ZSCAN26: variants seen among roughly 807,000 people sequenced by gnomAD.
ZSCAN26 encodes the protein zinc finger and SCAN domain containing 26, also known as zinc finger and SCAN domain-containing protein 26.
ZSCAN26 carries 26 observed loss-of-function variants against 23.0 expected under a neutral mutation model. The ratio of observed to expected loss-of-function variants is 1.13; its 90% CI spans 0.83 to 1.57. The LOEUF (loss-of-function observed/expected upper bound fraction) is 1.57. Ranked by LOEUF, ZSCAN26 falls within the 40% of genes most tolerant of loss-of-function variation. ZSCAN26 has a pLI of 0.00. For synonymous variants in ZSCAN26, 180 were observed against 202.5 expected (o/e 0.89, Z 0.94); for missense variants, 528 against 568.5 (o/e 0.93, Z 0.72).
At chr6:28,274,679 G>T (rs1048142710) in intron 3 of ZSCAN26, among the ~76,000 whole-genome samples, 5 of 152,190 alleles carry the variant, frequency 3.3e-5, no homozygotes, top group Non-Finnish European at 7.3e-5. Flanking sequence ...GTTCAAGACT[G>T]CAGTGAGCTA....
chr6:28,276,794 T>C lies in ZSCAN26; in HGVS notation c.1138T>C (p.Leu380=), dbSNP rs746893878. Residue 380 remains leucine, a synonymous_variant, in exon 4 of 4, where the codon TTA becomes CTA. Coordinates refer to ENST00000421553, the MANE Select transcript of ZSCAN26 (RefSeq NM_001023560.4). ...GTGTGGAAAAACCTTTAGTCAGGCC[T>C]TACTCCTCACCCACCATCAGAGAAT... ...KECGKTFSQA[L]LLTHHQRIHS... 5 of 1,613,954 alleles carry C rather than the reference T, an allele frequency of 3.1e-6. No individual in the cohort carries two copies. The South Asian group carries it at 5.5e-5, about 18-fold the overall frequency.
intron 3 of ZSCAN26, among the ~76,000 whole-genome samples, chr6:28,273,195 T>C (rs1372139111): frequency 6.6e-6 from 1 of 152,148 alleles, no homozygotes; most frequent in Non-Finnish European, 1.5e-5. Flanking sequence ...AGTTCAAGGC[T>C]GCAGTGAGCA....
At chr6:28,275,981 C>T (rs1761912256) in intron 3 of ZSCAN26, among the ~76,000 whole-genome samples, 1 of 152,188 alleles carries the variant, frequency 6.6e-6, no homozygotes, top group South Asian at 2.1e-4. Context: ...AAATAAGTCA[C>T]CTCCCACCAG....
Position 28,270,348 on chromosome 6 carries a change from C to T in ZSCAN26, c.-66-1506C>T, listed in dbSNP as rs570943147. On this transcript the variant is annotated intron_variant, in intron 1 of 3. Coordinates refer to ENST00000421553, the MANE Select transcript of ZSCAN26 (RefSeq NM_001023560.4). ...AGCCTTCTCCCGTTCTCCCACTTACCGCATGCACATTGATTCAAAGGCATG... is the reference window on the plus strand; with the variant it reads ...AGCCTTCTCCCGTTCTCCCACTTACTGCATGCACATTGATTCAAAGGCATG... Among the ~76,000 whole-genome samples, 8 of 152,264 alleles carry T rather than the reference C, an allele frequency of 5.3e-5. No individual in the cohort carries two copies. The East Asian group carries it at 9.7e-4, about 18-fold the overall frequency.
At chr6:28,271,739 G>A in intron 1 of ZSCAN26, 115 bp from the exon 2 acceptor site, 1 of 592,654 alleles carries the variant, frequency 1.7e-6, no homozygotes, top group Non-Finnish European at 2.9e-6. Flanking sequence ...GTTTAGAAAT[G>A]GTTGTTTTAG....
chr6:28,272,432 C>A, intron 2 of ZSCAN26, 93 bp downstream of exon 2: 2 of 1,379,716 alleles, frequency 1.4e-6, no homozygotes, highest in Non-Finnish European at 1.9e-6. Context: ...AGGAGAATTA[C>A]TAAGCTTTGA....
chr6:28,269,732 G>A (rs1049508375), intron 1 of ZSCAN26, among the ~76,000 whole-genome samples: 2 of 152,172 alleles, frequency 1.3e-5, no homozygotes, highest in Non-Finnish European at 2.9e-5. Flanking sequence ...GTTCTAGTCA[G>A]ACTTTTAACT....
rs1316803559 is a variant in ZSCAN26, at chr6:28,276,912, G to A, written c.1256G>A (p.Gly419Glu). Reference sequence around the variant, plus strand: ...ATTCGACACCACAGAATTCATACTGGAGAAAAACCTTTCAAGTGTAACATA... The same window carrying A: ...ATTCGACACCACAGAATTCATACTGAAGAAAAACCTTTCAAGTGTAACATA... ...DLIRHHRIHT[G>E]EKPFKCNICQ... Residue 419 changes from glycine to glutamate, a missense_variant, in exon 4 of 4, where the codon GGA becomes GAA. Physicochemically the swap from Gly to Glu is moderately conservative, Grantham distance 98. Coordinates refer to ENST00000421553, the MANE Select transcript of ZSCAN26 (RefSeq NM_001023560.4). The A allele has an allele frequency of 1.2e-6, 2 of 1,613,976 alleles. No individual in the cohort carries two copies. The highest frequency in any genetic ancestry group is 2.2e-5 in the East Asian group (1 of 44,882).
chr6:28,277,150 G>A lies in ZSCAN26; in HGVS notation c.*54G>A. On this transcript the variant is annotated 3_prime_UTR_variant, in exon 4 of 4. Coordinates refer to ENST00000421553, the MANE Select transcript of ZSCAN26 (RefSeq NM_001023560.4). The stretch of plus-strand genomic sequence containing the variant: ...GAGAAGGCACATTGACTAGCAAACA[G>A]CACTTTAGGAAAAGTCACCGTAGCC... 7.1e-6 allele frequency: 11 copies of A among 1,545,132 alleles called. No individual in the cohort carries two copies. The highest frequency in any genetic ancestry group is 8.7e-6 in the Non-Finnish European group (10 of 1,149,512).
intron 3 of ZSCAN26, among the ~76,000 whole-genome samples, chr6:28,273,721 T>C (rs970792142): frequency 6.6e-6 from 1 of 151,942 alleles, no homozygotes. Flanking sequence ...ACTTTCTTTT[T>C]TGTTGTTTTT....
rs1481891438 is a variant in ZSCAN26, at chr6:28,276,359, T to C, written c.703T>C (p.Ser235Pro). The C allele has an allele frequency of 3.1e-6, 5 of 1,613,832 alleles. No individual in the cohort carries two copies. The highest frequency in any genetic ancestry group is 1.3e-5 in the African/African-American group (1 of 74,914). ...CAAAGAGAAGATTGAGTATAAATGC[T>C]CAGAACGTGAGCAGAGATTCATCCA... Reference protein sequence around the residue: ...KPKEKIEYKCSEREQRFIQHL... With the variant: ...KPKEKIEYKCPEREQRFIQHL... Residue 235 changes from serine (S) to proline (P), a missense_variant, in exon 4 of 4, where the codon TCA (serine) becomes CCA (proline). Transcript: ENST00000421553.
In ZSCAN26 at chr6:28,271,931, A is replaced by T; in HGVS notation, c.12A>T (p.Ala4=). The change falls in exon 2 of 4, where the codon GCA becomes GCT. Residue 4 remains alanine (A), a synonymous_variant. Transcript: ENST00000421553. MAT[A]LVSAHSLAPL... ...GTCTGAAGCTGGGGATGGCAACAGC[A>T]TTGGTGAGTGCCCATTCCCTGGCTC... 8 of 1,551,068 alleles carry T rather than the reference A, an allele frequency of 5.2e-6. No homozygotes were observed. Among genetic ancestry groups the T allele is most frequent in the Non-Finnish European group, 7.0e-6 (8 of 1,146,642 alleles).
intron 1 of ZSCAN26, among the ~76,000 whole-genome samples, chr6:28,269,446 G>A (rs1269655094): frequency 6.6e-6 from 1 of 152,136 alleles, no homozygotes; most frequent in African/African-American, 2.4e-5. Context: ...TAGGGAATTA[G>A]CATAGGTCAT....
At position 28,271,945 on chromosome 6, in the gene ZSCAN26, A is replaced by G; in HGVS notation, c.26A>G (p.His9Arg). MATALVSA[H>R]SLAPLNLKKE... The stretch of plus-strand genomic sequence containing the variant: ...ATGGCAACAGCATTGGTGAGTGCCC[A>G]TTCCCTGGCTCCCCTGAATCTGAAG... The change falls in exon 2 of 4, where the codon CAT becomes CGT. Residue 9 changes from histidine to arginine, a missense_variant. Physicochemically the swap from His to Arg is conservative, Grantham distance 29. Coordinates refer to ENST00000421553, the MANE Select transcript of ZSCAN26 (RefSeq NM_001023560.4). 6.4e-7 allele frequency: 1 copy of G among 1,551,592 alleles called. No homozygotes were observed. The highest frequency in any genetic ancestry group is 8.7e-7 in the Non-Finnish European group (1 of 1,146,908).
chr6:28,276,735 T>G lies in ZSCAN26; in HGVS notation c.1079T>G (p.Ile360Ser). Residue 360 changes from isoleucine to serine, a missense_variant, in exon 4 of 4, where the codon ATT (isoleucine) becomes AGT (serine). Transcript: ENST00000421553. The stretch of plus-strand genomic sequence containing the variant: ...TCTCACCTTAATCGACATCAGAGAA[T>G]TCACAGTCAGGAGGAGCCCTGTGAG... ...RSSHLNRHQR[I>S]HSQEEPCECK... The G allele has an allele frequency of 6.2e-7, 1 of 1,613,782 alleles. No individual in the cohort carries two copies. The highest frequency in any genetic ancestry group is 8.5e-7 in the Non-Finnish European group (1 of 1,179,792).
intron 3 of ZSCAN26, among the ~76,000 whole-genome samples, chr6:28,273,353 C>A (rs1761793647): frequency 6.6e-6 from 1 of 152,058 alleles, no homozygotes; most frequent in Non-Finnish European, 1.5e-5. Context: ...ACCAGCCTGG[C>A]CAAGATGGTG....
In ZSCAN26 at chr6:28,276,245, TGTGGAAGAG is replaced by T; in HGVS notation, c.590_598del (p.Cys197_Val200delinsLeu). On this transcript the variant is annotated inframe_deletion, in exon 4 of 4. Coordinates refer to ENST00000421553, the MANE Select transcript of ZSCAN26 (RefSeq NM_001023560.4). ...GAAGCTTATTGTAGTAACAGACTCT[TGTGGAAGAG>T]TAGAGTCATCTGGGAAAATATCTGA... The T allele has an allele frequency of 6.2e-7, 1 of 1,613,908 alleles. No homozygotes were observed. The highest frequency in any genetic ancestry group is 8.5e-7 in the Non-Finnish European group (1 of 1,179,854).
chr6:28,274,704 T>C (rs1761865524), intron 3 of ZSCAN26, among the ~76,000 whole-genome samples: 1 of 152,226 alleles, frequency 6.6e-6, no homozygotes, highest in Admixed American at 6.5e-5. Flanking sequence ...ATTGCACCAC[T>C]GTACTCCAGC....
In ZSCAN26 at chr6:28,276,789, A is replaced by G. The variant is rs1160361770; in HGVS notation, c.1133A>G (p.Gln378Arg). 1 of 1,614,016 alleles carries G rather than the reference A, an allele frequency of 6.2e-7. No homozygotes were observed. Among genetic ancestry groups the G allele is most frequent in the Non-Finnish European group, 8.5e-7 (1 of 1,179,884 alleles). Residue 378 changes from glutamine to arginine, a missense_variant, in exon 4 of 4, where the codon CAG becomes CGG. Coordinates refer to ENST00000421553, the MANE Select transcript of ZSCAN26 (RefSeq NM_001023560.4). Reference protein sequence around the residue: ...ECKECGKTFSQALLLTHHQRI... With the variant: ...ECKECGKTFSRALLLTHHQRI... ...AAGGAGTGTGGAAAAACCTTTAGTC[A>G]GGCCTTACTCCTCACCCACCATCAG... is the stretch of plus-strand genomic sequence containing the variant.
Sources: gnomAD v4.1 joint callset for allele counts (sites outside exome capture counted in the v4.1 genomes callset) on GRCh38, gnomAD v4.1.1 for gene constraint, MANE v1.5 for transcripts, NCBI Gene and HGNC (gene_info 2026-07-23, HGNC 2026-07-21) for gene names.